SLC46A2: variants seen among roughly 807,000 people sequenced by gnomAD.
SLC46A2 encodes solute carrier family 46 member 2, also known as thymic stromal co-transporter.
Under a neutral mutation model 33.1 loss-of-function variants are expected in SLC46A2, and 25 were observed. The ratio of observed to expected loss-of-function variants is 0.76; its 90% confidence interval spans 0.55 to 1.06. The LOEUF is 1.06. Among genes scored for constraint, SLC46A2 ranks in the 50% least tolerant of loss-of-function variants. The pLI is 0.00. For synonymous variants in SLC46A2, 254 were observed against 275.9 expected (o/e 0.92, Z 0.79); for missense variants, 622 against 621.7 (o/e 1.00, Z 0.00).
Position 112,890,422 on chromosome 9 carries a change from A to G in SLC46A2, c.260T>C (p.Leu87Pro). ...CCCGTAGGCGGACAGCAGGGGGGACAGGCCCACCACAAGGTTGTAGATAAT... is the reference window on the plus strand; with the variant it reads ...CCCGTAGGCGGACAGCAGGGGGGACGGGCCCACCACAAGGTTGTAGATAAT... ...FYIIYNLVVGLSPLLSAYGLG... is the reference protein window; with the variant it reads ...FYIIYNLVVGPSPLLSAYGLG... The change falls in exon 1 of 4, where the codon CTG (leucine) becomes CCG (proline). Residue 87 changes from leucine to proline, a missense_variant. Coordinates refer to ENST00000374228, the MANE Select transcript of SLC46A2 (RefSeq NM_033051.4). The surrounding 1 kb of genome is among the most constrained non-coding windows in gnomAD (Gnocchi z 6.0). 1 of 1,614,224 alleles carries G rather than the reference A, an allele frequency of 6.2e-7. No homozygotes were observed.
chr9:112,879,425 C>T lies in SLC46A2; in HGVS notation c.*337G>A, dbSNP rs976435032. On this transcript the variant is annotated 3_prime_UTR_variant, in exon 4 of 4. Transcript: ENST00000374228. ...CAGTCCCTTGAAGAAAAGGGGCAGG[C>T]TCGCTGTAGCTGGAGTCTGAAGCCC... 4 of 243,264 alleles carry T rather than the reference C, an allele frequency of 1.6e-5. No homozygotes were observed. Among genetic ancestry groups the T allele is most frequent in the Non-Finnish European group, 3.2e-5 (4 of 124,324 alleles). 15.1% of individuals were successfully genotyped at this position (243,264 alleles called of 1,614,324 possible). A position where few individuals can be genotyped will look rare whatever the true frequency, so the allele number is the denominator to read the frequency against.
At chr9:112,886,762 T>TC in intron 2 of SLC46A2, 146 bp from the exon 3 acceptor site, 2 of 871,088 alleles carry the variant, frequency 2.3e-6, no homozygotes, top group Non-Finnish European at 3.4e-6. Flanking sequence ...TCTTACTCTG[T>TC]TGCCCAGGCT....
At position 112,888,878 on chromosome 9, in the gene SLC46A2, T is replaced by TTG. The variant is rs759170631; in HGVS notation, c.1129+674_1129+675insCA. Among the ~76,000 whole-genome samples, 14 of 135,538 alleles carry TTG rather than the reference T, an allele frequency of 1.0e-4. No homozygotes were observed. The East Asian group carries it at 1.6e-3, about 15-fold the overall frequency. The allele number at this position is 135,538 out of a possible 152,430, so 88.9% of individuals were successfully genotyped here. ...TTGAAATTCCACTCCTCCACGTTTT[T>TTG]TTTTTTTTGTTTGTTTGTTTTTTTT... On this transcript the variant is annotated intron_variant, in intron 1 of 3. Transcript: ENST00000374228.
rs770751193 is a variant in SLC46A2 at position 112,890,688 on chromosome 9, T to C, written c.-7A>G. 6.3e-7 allele frequency: 1 copy of C among 1,587,572 alleles called. No individual in the cohort carries two copies. Among genetic ancestry groups the C allele is most frequent in the Non-Finnish European group, 8.5e-7 (1 of 1,173,720 alleles). ...AGGTGACCTCGGGGCTCATGTGACC[T>C]CTCTGATGGGGATCGAAGGGCTTTC... is the stretch of plus-strand genomic sequence containing the variant. On this transcript the variant is annotated 5_prime_UTR_variant, in exon 1 of 4. Transcript: ENST00000374228. The surrounding 1 kb of genome is among the most constrained non-coding windows in gnomAD (Gnocchi z 6.0).
At position 112,890,481 on chromosome 9, in the gene SLC46A2, C is replaced by T. The variant is rs1008972311; in HGVS notation, c.201G>A (p.Glu67=). 11 of 1,614,088 alleles carry T rather than the reference C, an allele frequency of 6.8e-6. No homozygotes were observed. The highest frequency in any genetic ancestry group is 1.6e-4 in the Middle Eastern group (1 of 6,082). Residue 67 remains glutamate (E), a synonymous_variant, in exon 1 of 4, where the codon GAG becomes GAA. Transcript: ENST00000374228. This position sits in a 1 kb window ranked among gnomAD's most constrained non-coding sequence, Gnocchi z 6.0. ...SASPSPRGAL[E]DQQQRAISNF... ...TGGAGATGGCTCTCTGCTGTTGGTC[C>T]TCTAGAGCCCCCCGGGGCGATGGGC...
chr9:112,883,682 T>A (rs1354640531), intron 3 of SLC46A2, among the ~76,000 whole-genome samples: 1 of 133,252 alleles, frequency 7.5e-6, no homozygotes, highest in Admixed American at 8.9e-5. Flanking sequence ...TCTTTTCTGT[T>A]TTTTTCTTTT....
rs747461684 is a variant in SLC46A2, at chr9:112,889,716, A to G, written c.966T>C (p.Tyr322=). 8.1e-6 allele frequency: 13 copies of G among 1,614,108 alleles called. No individual in the cohort carries two copies. The East Asian group carries it at 1.8e-4, about 22-fold the overall frequency. Residue 322 remains tyrosine, a synonymous_variant, in exon 1 of 4, where the codon TAT becomes TAC. Coordinates refer to ENST00000374228, the MANE Select transcript of SLC46A2 (RefSeq NM_033051.4). The part of the protein sequence containing the change: ...PLGWNQVQVG[Y]GMAAGYTIFI... Reference sequence around the variant, plus strand: ...AGATGGTGTACCCTGCAGCCATACCATAGCCCACCTGCACTTGGTTCCAAC... The same window carrying G: ...AGATGGTGTACCCTGCAGCCATACCGTAGCCCACCTGCACTTGGTTCCAAC...
rs747231011 is a variant in SLC46A2, at chr9:112,886,529, A to G, written c.1301T>C (p.Met434Thr). The change falls in exon 3 of 4, where the codon ATG (methionine) becomes ACG (threonine). Residue 434 changes from methionine to threonine, a missense_variant. By Grantham distance (81) the Met-to-Thr change is moderately conservative. Coordinates refer to ENST00000374228, the MANE Select transcript of SLC46A2 (RefSeq NM_033051.4). ...TLYNKIYQLT[M>T]DMFVGSCFAL... is the part of the protein sequence containing the mutation. ...AAAGCAGGAGCCCACAAACATGTCC[A>G]TGGTGAGCTGGTAGATCTTGTTGTA... The G allele has an allele frequency of 1.2e-6, 2 of 1,614,194 alleles. No homozygotes were observed. Among genetic ancestry groups the G allele is most frequent in the South Asian group, 1.1e-5 (1 of 91,080 alleles).
At chr9:112,888,033 T>C (rs906333345) in intron 1 of SLC46A2, among the ~76,000 whole-genome samples, 1 of 151,914 alleles carries the variant, frequency 6.6e-6, no homozygotes, top group Admixed American at 6.6e-5. Flanking sequence ...ATCCTAGCAC[T>C]CTGGGAGGCC....
At position 112,890,669 on chromosome 9, in the gene SLC46A2, C is replaced by CCT; in HGVS notation, c.11_12dup (p.Val5ArgfsTer41). 6.3e-7 allele frequency: 1 copy of CCT among 1,596,560 alleles called. No individual in the cohort carries two copies. The highest frequency in any genetic ancestry group is 8.5e-7 in the Non-Finnish European group (1 of 1,178,896). On this transcript the variant is annotated frameshift_variant, in exon 1 of 4. Transcript: ENST00000374228. LOFTEE classifies it high-confidence loss of function. This position sits in a 1 kb window ranked among gnomAD's most constrained non-coding sequence, Gnocchi z 6.0. ...AGGTGGCCCCTCCGCGGGCAGGTGA[C>CCT]CTCGGGGCTCATGTGACCTCTCTGA...
Position 112,887,247 on chromosome 9 carries a change from C to T in SLC46A2, c.1213+83G>A, listed in dbSNP as rs1252188153. On this transcript the variant is annotated intron_variant, in intron 2 of 3. Transcript: ENST00000374228. Reference sequence around the variant, plus strand: ...ATGCTTCTGGAACTGTCTCAAGTGCCTTCTGCAGGTCTGTGCCTCATGCTT... The same window carrying T: ...ATGCTTCTGGAACTGTCTCAAGTGCTTTCTGCAGGTCTGTGCCTCATGCTT... 3.9e-6 allele frequency: 5 copies of T among 1,285,408 alleles called. No homozygotes were observed. The African/African-American group carries it at 6.0e-5, about 15-fold the overall frequency. The allele number at this position is 1,285,408 out of a possible 1,614,324, so 79.6% of individuals were successfully genotyped here. A position where few individuals can be genotyped will look rare whatever the true frequency, so the allele number is the denominator to read the frequency against.
chr9:112,879,515 A>G lies in SLC46A2; in HGVS notation c.*247T>C. On this transcript the variant is annotated 3_prime_UTR_variant, in exon 4 of 4. Transcript: ENST00000374228. ...ACCCTTAAGGTCATGCTCTGCTGTC[A>G]CAGAACCCAGTGTCTGCCTAATGGG... 1 of 476,768 alleles carries G rather than the reference A, an allele frequency of 2.1e-6. No individual in the cohort carries two copies. Among genetic ancestry groups the G allele is most frequent in the East Asian group, 3.2e-5 (1 of 31,412 alleles). 29.5% of individuals were successfully genotyped at this position (476,768 alleles called of 1,614,324 possible).
In SLC46A2 at chr9:112,890,434, A is replaced by G. The variant is rs765752722; in HGVS notation, c.248T>C (p.Leu83Pro). The G allele has an allele frequency of 3.7e-6, 6 of 1,614,178 alleles. No homozygotes were observed. The Admixed American group carries it at 1.0e-4, about 27-fold the overall frequency. The change falls in exon 1 of 4, where the codon CTT becomes CCT. Residue 83 changes from leucine (L) to proline (P), a missense_variant. Physicochemically the swap from Leu to Pro is moderately conservative, Grantham distance 98. Transcript: ENST00000374228. The surrounding 1 kb of genome is among the most constrained non-coding windows in gnomAD (Gnocchi z 6.0). ...AISNFYIIYN[L>P]VVGLSPLLSA... ...CAGCAGGGGGGACAGGCCCACCACAAGGTTGTAGATAATGTAGAAATTGGA... is the reference window on the plus strand; with the variant it reads ...CAGCAGGGGGGACAGGCCCACCACAGGGTTGTAGATAATGTAGAAATTGGA...
chr9:112,889,583 A>G lies in SLC46A2; in HGVS notation c.1099T>C (p.Phe367Leu), dbSNP rs762093438. ...SFGSGALLLA[F>L]VKETYMFYIA... ...TAGAACATGTATGTCTCTTTCACAAAAGCCAAGAGGAGGGCTCCTGACCCA... is the reference window on the plus strand; with the variant it reads ...TAGAACATGTATGTCTCTTTCACAAGAGCCAAGAGGAGGGCTCCTGACCCA... The change falls in exon 1 of 4, where the codon TTT becomes CTT. Residue 367 changes from phenylalanine (F) to leucine (L), a missense_variant. By Grantham distance (22) the Phe-to-Leu change is conservative (BLOSUM62 0). Coordinates refer to ENST00000374228, the MANE Select transcript of SLC46A2 (RefSeq NM_033051.4). 6.2e-7 allele frequency: 1 copy of G among 1,613,246 alleles called. No individual in the cohort carries two copies. The highest frequency in any genetic ancestry group is 1.3e-5 in the African/African-American group (1 of 74,784).
intron 1 of SLC46A2, among the ~76,000 whole-genome samples, chr9:112,888,656 C>G (rs1260781570): frequency 6.6e-6 from 1 of 152,174 alleles, no homozygotes; most frequent in Non-Finnish European, 1.5e-5. Flanking sequence ...CTAGAAAGTT[C>G]TATTGGAGCA....
chr9:112,879,642 G>T lies in SLC46A2; in HGVS notation c.*120C>A. The T allele has an allele frequency of 1.1e-6, 1 of 883,522 alleles. No homozygotes were observed. The highest frequency in any genetic ancestry group is 1.8e-6 in the Non-Finnish European group (1 of 560,522). The allele number at this position is 883,522 out of a possible 1,614,324, so 54.7% of individuals were successfully genotyped here. ...AGCAGGTCATTCTGAGGCCAACTCT[G>T]GCTGGAACGCAGGTTTCTTAAGCAG... is the stretch of plus-strand genomic sequence containing the variant. On this transcript the variant is annotated 3_prime_UTR_variant, in exon 4 of 4. Transcript: ENST00000374228.
intron 3 of SLC46A2, among the ~76,000 whole-genome samples, chr9:112,884,123 G>A (rs2131542611): frequency 6.6e-6 from 1 of 152,354 alleles, no homozygotes; most frequent in South Asian, 2.1e-4. Context: ...CATCTAAAGA[G>A]CAAACAAGAG....
rs752830729 is a variant in SLC46A2 at position 112,890,310 on chromosome 9, C to G, written c.372G>C (p.Leu124=). Residue 124 remains leucine, a synonymous_variant, in exon 1 of 4, where the codon CTG becomes CTC. Transcript: ENST00000374228. This position sits in a 1 kb window ranked among gnomAD's most constrained non-coding sequence, Gnocchi z 6.0. ...LGFLLSRLGL[L]LKVLLDWPVE... is the part of the protein sequence containing the mutation. ...CTGGCCAGTCCAGCAGCACCTTGAG[C>G]AGCAGCCCGAGGCGGGAGAGCAGGA... The G allele has an allele frequency of 6.2e-7, 1 of 1,613,772 alleles. No homozygotes were observed. The highest frequency in any genetic ancestry group is 2.2e-5 in the East Asian group (1 of 44,880).
At chr9:112,886,335 T>C in intron 3 of SLC46A2, 125 bp downstream of exon 3, 1 of 1,024,982 alleles carries the variant, frequency 9.8e-7, no homozygotes, top group Non-Finnish European at 1.5e-6. Context: ...GAGAGCCTAC[T>C]CAGGACCCAC....
Sources: gnomAD v4.1 joint callset for allele counts (sites outside exome capture counted in the v4.1 genomes callset) on GRCh38, gnomAD v4.1.1 for gene constraint, Gnocchi (gnomAD v3.1) non-coding constraint, MANE v1.5 for transcripts, NCBI Gene and HGNC (gene_info 2026-07-23, HGNC 2026-07-21) for gene names.